The following EIF4E1B variants were observed in gnomAD, a reference collection of about 807,000 sequenced individuals.
EIF4E1B encodes the protein eukaryotic translation initiation factor 4E family member 1B, also known as eukaryotic translation initiation factor 4E type 1B.
In EIF4E1B, 22 loss-of-function variants were observed where a neutral mutation model predicts 31.3. That is an observed-to-expected ratio of 0.70 (90% CI 0.50 to 1.00). The LOEUF (loss-of-function observed/expected upper bound fraction) is 1.00. EIF4E1B is among the 50% of genes least tolerant of loss of function. EIF4E1B has a pLI of 0.00. For missense variants in EIF4E1B, 290 were observed against 311.6 expected, an observed-to-expected ratio of 0.93 and a Z score of 0.52; for synonymous variants, 126 against 120.2, an observed-to-expected ratio of 1.05 and a Z score of -0.31.
At chr5:176,639,177 G>A (rs907598923) in intron 1 of EIF4E1B, among the ~76,000 whole-genome samples, 2 of 152,220 alleles carry the variant, frequency 1.3e-5, no homozygotes, top group Admixed American at 6.5e-5. Flanking sequence ...AGAACTTTCT[G>A]TAGGAAAGCA....
chr5:176,646,051 C>A lies in EIF4E1B; in HGVS notation c.*71C>A. ...AGCCTCATTACTTTGGGGGATGGGG[C>A]GGGACTGGGGATCAGACAGCCTAGT... On this transcript the variant is annotated 3_prime_UTR_variant, in exon 9 of 9. Coordinates refer to ENST00000318682, the MANE Select transcript of EIF4E1B (RefSeq NM_001099408.2). 2.9e-6 allele frequency: 4 copies of A among 1,356,016 alleles called. No individual in the cohort carries two copies. The highest frequency in any genetic ancestry group is 4.1e-6 in the Non-Finnish European group (4 of 975,324). The allele number at this position is 1,356,016 out of a possible 1,614,324, so 84.0% of individuals were successfully genotyped here.
chr5:176,644,763 G>GT (rs1760660485), intron 6 of EIF4E1B, among the ~76,000 whole-genome samples: 2 of 152,242 alleles, frequency 1.3e-5, no homozygotes, highest in African/African-American at 4.8e-5. Flanking sequence ...CTGACATTGT[G>GT]TTTAGAGATC....
intron 1 of EIF4E1B, among the ~76,000 whole-genome samples, chr5:176,632,597 T>G (rs1760424624): frequency 6.6e-6 from 1 of 152,210 alleles, no homozygotes; most frequent in Non-Finnish European, 1.5e-5. Context: ...TAAAGGGAGT[T>G]GCACCTAGGA....
chr5:176,643,357 T>C lies in EIF4E1B; in HGVS notation c.200+91T>C, dbSNP rs372424101. ...TGGCCTTGGGCAACCCCGCCTCTCT[T>C]GGCCCTAGCTCTTCATCCGTGGGAG... On this transcript the variant is annotated intron_variant, in intron 4 of 8. Transcript: ENST00000318682. 193 of 1,448,272 alleles carry C rather than the reference T, an allele frequency of 1.3e-4. No individual in the cohort carries two copies. The African/African-American group carries it at 2.5e-3, about 18-fold the overall frequency. 89.7% of individuals were successfully genotyped at this position (1,448,272 alleles called of 1,614,324 possible). A position where few individuals can be genotyped will look rare whatever the true frequency, so the allele number is the denominator to read the frequency against.
At chr5:176,637,512 G>A (rs192210653) in intron 1 of EIF4E1B, among the ~76,000 whole-genome samples, 12 of 152,306 alleles carry the variant, frequency 7.9e-5, no homozygotes, top group South Asian at 4.1e-4. Context: ...TGTATGGTGC[G>A]TCAGGAGGTG....
At chr5:176,631,459 A>G (rs1292066172) in intron 1 of EIF4E1B, among the ~76,000 whole-genome samples, 1 of 152,172 alleles carries the variant, frequency 6.6e-6, no homozygotes, top group Non-Finnish European at 1.5e-5. Context: ...TAGGGGAGTC[A>G]GGAAAGGACA....
At chr5:176,632,969 G>A (rs1291268048) in intron 1 of EIF4E1B, among the ~76,000 whole-genome samples, 1 of 152,086 alleles carries the variant, frequency 6.6e-6, no homozygotes, top group African/African-American at 2.4e-5. Context: ...GTGGGGGAGG[G>A]GTGTGTTCTG....
chr5:176,633,213 TTTTGTTTGTTTGTTTG>T (rs145169960), intron 1 of EIF4E1B, among the ~76,000 whole-genome samples: 2 of 150,082 alleles, frequency 1.3e-5, no homozygotes, highest in African/African-American at 5.0e-5. Context: ...CCAGTGTTTT[TTTTGTTTGTTTGTTTG>T]TTTGTTTGTT....
intron 1 of EIF4E1B, among the ~76,000 whole-genome samples, chr5:176,636,050 C>G (rs968795709): frequency 6.6e-6 from 1 of 152,198 alleles, no homozygotes; most frequent in Non-Finnish European, 1.5e-5. Flanking sequence ...CTCCTGACCT[C>G]AGGTGATCTG....
chr5:176,642,907 G>A (rs1477638912), intron 3 of EIF4E1B, 105 bp downstream of exon 3: 7 of 1,303,730 alleles, frequency 5.4e-6, no homozygotes, highest in Admixed American at 2.7e-5. Flanking sequence ...TTAAAAGCTG[G>A]TAGCTGGGGG....
chr5:176,645,737 C>T lies in EIF4E1B; in HGVS notation c.615-129C>T. ...TTAAGGGGGTCATATTTTGGGTTTC[C>T]ACATGGGTAAGACACAACAGGTGTG... On this transcript the variant is annotated intron_variant, in intron 8 of 8. Coordinates refer to ENST00000318682, the MANE Select transcript of EIF4E1B (RefSeq NM_001099408.2). This position sits in a 1 kb window ranked among gnomAD's most constrained non-coding sequence, Gnocchi z 5.4. 12 of 1,120,108 alleles carry T rather than the reference C, an allele frequency of 1.1e-5. No homozygotes were observed. The highest frequency in any genetic ancestry group is 1.5e-5 in the Non-Finnish European group (12 of 803,934). The allele number at this position is 1,120,108 out of a possible 1,614,324, so 69.4% of individuals were successfully genotyped here. A position where few individuals can be genotyped will look rare whatever the true frequency, so the allele number is the denominator to read the frequency against.
At position 176,646,173 on chromosome 5, in the gene EIF4E1B, G is replaced by A. The variant is rs1203670481; in HGVS notation, c.*193G>A. 5.3e-6 allele frequency: 3 copies of A among 563,754 alleles called. No individual in the cohort carries two copies. The highest frequency in any genetic ancestry group is 9.6e-6 in the Non-Finnish European group (3 of 312,464). 34.9% of individuals were successfully genotyped at this position (563,754 alleles called of 1,614,324 possible). A position where few individuals can be genotyped will look rare whatever the true frequency, so the allele number is the denominator to read the frequency against. On this transcript the variant is annotated 3_prime_UTR_variant, in exon 9 of 9. Transcript: ENST00000318682. ...TAGATGGGGGTAGTGGTGGCAGTCT[G>A]AGGACCTAGCTTGTCCTGGGGCCAC...
At chr5:176,644,508 G>A (rs949038153) in intron 6 of EIF4E1B, 69 bp downstream of exon 6, 16 of 505,698 alleles carry the variant, frequency 3.2e-5, no homozygotes, top group African/African-American at 1.1e-4. Flanking sequence ...ACTCCACTGC[G>A]TTAATCCCTC....
At position 176,645,467 on chromosome 5, in the gene EIF4E1B, G is replaced by A. The variant is rs796378834; in HGVS notation, c.565G>A (p.Ala189Thr). ...CATCCGCACCAAGGGGGACAAGATC[G>A]CTGTGTGGACGAGGGAGGCGGAAAA... ...VNIRTKGDKIAVWTREAENQA... is the reference protein window; with the variant it reads ...VNIRTKGDKITVWTREAENQA... Residue 189 changes from alanine to threonine, a missense_variant, in exon 8 of 9, where the codon GCT becomes ACT. Physicochemically the swap from Ala to Thr is moderately conservative, Grantham distance 58. Transcript: ENST00000318682. This position sits in a 1 kb window ranked among gnomAD's most constrained non-coding sequence, Gnocchi z 5.4. 3.9e-6 allele frequency: 6 copies of A among 1,519,420 alleles called. No homozygotes were observed. The highest frequency in any genetic ancestry group is 1.8e-4 in the Middle Eastern group (1 of 5,632). The allele number at this position is 1,519,420 out of a possible 1,614,324, so 94.1% of individuals were successfully genotyped here.
At chr5:176,639,932 C>T (rs1410441213) in intron 1 of EIF4E1B, among the ~76,000 whole-genome samples, 1 of 152,130 alleles carries the variant, frequency 6.6e-6, no homozygotes. Context: ...AAAACAACAA[C>T]AACAAAATCT....
intron 1 of EIF4E1B, among the ~76,000 whole-genome samples, chr5:176,641,508 A>G (rs543217312): frequency 6.6e-6 from 1 of 152,182 alleles, no homozygotes; most frequent in Non-Finnish European, 1.5e-5. Context: ...TGGACTTTTT[A>G]GGTTCTCCCA....
chr5:176,639,025 T>A (rs1760537302), intron 1 of EIF4E1B, among the ~76,000 whole-genome samples: 1 of 152,222 alleles, frequency 6.6e-6, no homozygotes, highest in African/African-American at 2.4e-5. Flanking sequence ...ACTCTCGAAC[T>A]CCTGACCTCA....
At position 176,642,772 on chromosome 5, in the gene EIF4E1B, A is replaced by C. The variant is rs1247387977; in HGVS notation, c.-16A>C. ...CTTCCCCAGCCCCAGGCCTGCACGA[A>C]GAAGGCACTCACTAAATGCTTGCTG... On this transcript the variant is annotated 5_prime_UTR_variant, in exon 3 of 9. Coordinates refer to ENST00000318682, the MANE Select transcript of EIF4E1B (RefSeq NM_001099408.2). 4 of 1,562,138 alleles carry C rather than the reference A, an allele frequency of 2.6e-6. No homozygotes were observed. Among genetic ancestry groups the C allele is most frequent in the Middle Eastern group, 3.3e-4 (2 of 5,996 alleles).
intron 1 of EIF4E1B, among the ~76,000 whole-genome samples, chr5:176,637,895 C>A (rs1760519684): frequency 6.6e-6 from 1 of 152,116 alleles, no homozygotes. Flanking sequence ...AGGCCATCAC[C>A]ATCACACAGG....
Sources: gnomAD v4.1 joint callset for allele counts (sites outside exome capture counted in the v4.1 genomes callset) on GRCh38, gnomAD v4.1.1 for gene constraint, Gnocchi (gnomAD v3.1) non-coding constraint, MANE v1.5 for transcripts, NCBI Gene and HGNC (gene_info 2026-07-23, HGNC 2026-07-21) for gene names.